Variants in DPEP1 observed in about 807,000 individuals in gnomAD.
DPEP1 encodes the protein beta-lactamase.
Under a neutral mutation model 42.3 loss-of-function variants are expected in DPEP1, and 50 were observed. That is an observed-to-expected ratio of 1.18 (90% CI 0.94 to 1.50). The LOEUF is 1.50. Ranked by LOEUF, DPEP1 falls within the 40% of genes most tolerant of loss-of-function variation. The pLI, the probability that DPEP1 is intolerant of heterozygous loss-of-function variation, is 0.00. For synonymous variants in DPEP1, 297 were observed against 234.0 expected (o/e 1.27, Z -2.46); for missense variants, 663 against 553.0 (o/e 1.20, Z -1.99).
Position 89,638,106 on chromosome 16 carries a change from G to A in DPEP1, c.1120G>A (p.Gly374Ser). 1 of 1,612,292 alleles carries A rather than the reference G, an allele frequency of 6.2e-7. No individual in the cohort carries two copies. Among genetic ancestry groups the A allele is most frequent in the Non-Finnish European group, 8.5e-7 (1 of 1,179,826 alleles). The change falls in exon 11 of 11, where the codon GGT becomes AGT. Residue 374 changes from glycine (G) to serine (S), a missense_variant. Transcript: ENST00000690203. ...GGAGCCCATCCCGCTGGACCAGCTGGGTGGCTCCTGCAGGACCCATTACGG... is the reference window on the plus strand; with the variant it reads ...GGAGCCCATCCCGCTGGACCAGCTGAGTGGCTCCTGCAGGACCCATTACGG... ...EEEPIPLDQL[G>S]GSCRTHYGYS...
rs762931185 is a variant in DPEP1, at chr16:89,636,587, G to A, written c.425G>A (p.Gly142Asp). Reference protein sequence around the residue: ...GKVASLIGVEGGHSIDSSLGV... With the variant: ...GKVASLIGVEDGHSIDSSLGV... Reference sequence around the variant, plus strand: ...GTGGCCAGCCTGATCGGCGTGGAGGGCGGCCACTCCATTGACAGCAGTTTG... The same window carrying A: ...GTGGCCAGCCTGATCGGCGTGGAGGACGGCCACTCCATTGACAGCAGTTTG... The change falls in exon 5 of 11, where the codon GGC becomes GAC. Residue 142 changes from glycine (G) to aspartate (D), a missense_variant. By Grantham distance (94) the Gly-to-Asp change is moderately conservative (BLOSUM62 -1). Coordinates refer to ENST00000690203, the MANE Select transcript of DPEP1 (RefSeq NM_001389466.1). The A allele has an allele frequency of 8.7e-6, 14 of 1,612,132 alleles. No individual in the cohort carries two copies. Among genetic ancestry groups the A allele is most frequent in the Non-Finnish European group, 1.1e-5 (13 of 1,179,834 alleles).
chr16:89,614,562 A>AGACG, intron 1 of DPEP1, among the ~76,000 whole-genome samples: 1 of 152,280 alleles, frequency 6.6e-6, no homozygotes, highest in East Asian at 1.9e-4. Context: ...TGGGAGGCCG[A>AGACG]GGTGGGCAGA....
At chr16:89,640,498 C>T (rs1191082160), downstream of DPEP1, 7 of 908,800 alleles carry the variant, frequency 7.7e-6, no homozygotes, top group African/African-American at 1.8e-5. Flanking sequence ...CATGGAGCAG[C>T]AGCCCCTGCA....
chr16:89,634,165 T>G (rs1299662038), intron 2 of DPEP1, among the ~76,000 whole-genome samples: 1 of 146,072 alleles, frequency 6.8e-6, no homozygotes, highest in East Asian at 2.1e-4. Context: ...CTCGGCTCAC[T>G]GCAAGCTCTG....
In DPEP1 at chr16:89,636,523, C is replaced by A; in HGVS notation, c.371-10C>A. ...GTGCCCACTCCCCTGCACCCTGACT[C>A]TCCCCGCAGGCATTCGGCAGGCCTT... On this transcript the variant is annotated splice_polypyrimidine_tract_variant and intron_variant, in intron 4 of 10. Transcript: ENST00000690203. 3 of 1,611,256 alleles carry A rather than the reference C, an allele frequency of 1.9e-6. No homozygotes were observed. Among genetic ancestry groups the A allele is most frequent in the Non-Finnish European group, 2.5e-6 (3 of 1,179,148 alleles).
intron 4 of DPEP1, 35 bp from the exon 5 acceptor site, chr16:89,636,498 G>A (rs771570741): frequency 1.0e-5 from 16 of 1,603,818 alleles, no homozygotes; most frequent in Non-Finnish European, 1.3e-5. Context: ...CAGATACCAG[G>A]TGCCCACTCC....
Position 89,637,535 on chromosome 16 carries a change from A to T in DPEP1, c.836A>T (p.Asn279Ile). The part of the protein sequence containing the change: ...NNYISCTNKA[N>I]LSQVADHLDH... Reference sequence around the variant, plus strand: ...TACATTTCCTGCACCAACAAGGCCAACCTGTCCCAAGTGGCCGGTAGGTGG... The same window carrying T: ...TACATTTCCTGCACCAACAAGGCCATCCTGTCCCAAGTGGCCGGTAGGTGG... The change falls in exon 8 of 11, where the codon AAC (asparagine) becomes ATC (isoleucine). Residue 279 changes from asparagine to isoleucine, a missense_variant. Coordinates refer to ENST00000690203, the MANE Select transcript of DPEP1 (RefSeq NM_001389466.1). The T allele has an allele frequency of 6.2e-7, 1 of 1,612,694 alleles. No individual in the cohort carries two copies. Among genetic ancestry groups the T allele is most frequent in the Non-Finnish European group, 8.5e-7 (1 of 1,179,924 alleles).
At chr16:89,639,115 ATT>A (rs1478402475), downstream of DPEP1, among the ~76,000 whole-genome samples, 6 of 39,724 alleles carry the variant, frequency 1.5e-4, no homozygotes, top group Non-Finnish European at 1.8e-4. Flanking sequence ...ACCCCTGCAC[ATT>A]CACATCCCAC....
At chr16:89,636,506 T>A in intron 4 of DPEP1, 27 bp from the exon 5 acceptor site, 1 of 1,605,986 alleles carries the variant, frequency 6.2e-7, no homozygotes, top group Non-Finnish European at 8.5e-7. Flanking sequence ...AGGTGCCCAC[T>A]CCCCTGCACC....
downstream of DPEP1, among the ~76,000 whole-genome samples, chr16:89,639,528 C>T (rs1249693439): frequency 7.9e-6 from 1 of 126,376 alleles, no homozygotes; most frequent in African/African-American, 3.3e-5. Context: ...TGCACACACA[C>T]CCCCACCTCT....
chr16:89,629,923 G>C (rs2059562624), intron 1 of DPEP1, among the ~76,000 whole-genome samples: 1 of 152,224 alleles, frequency 6.6e-6, no homozygotes, highest in East Asian at 1.9e-4. Context: ...TTTTTACGTG[G>C]AAAGGGGTGC....
chr16:89,638,667 G>GCA (rs568006035), downstream of DPEP1, among the ~76,000 whole-genome samples: 158 of 132,106 alleles, frequency 1.2e-3, no homozygotes, highest in African/African-American at 3.9e-3. Context: ...CCCCACCCCT[G>GCA]CACACACACA....
At chr16:89,613,636 A>AGGGCC (rs1428909346), upstream of DPEP1, 1 of 152,472 alleles carries the variant, frequency 6.6e-6, no homozygotes, top group African/African-American at 2.4e-5. Context: ...GTGGCCGGGT[A>AGGGCC]GGGCCAGCCC....
chr16:89,620,945 T>C (rs918388661), intron 1 of DPEP1, among the ~76,000 whole-genome samples: 3 of 151,996 alleles, frequency 2.0e-5, no homozygotes, highest in African/African-American at 7.3e-5. Flanking sequence ...ATCTACAGCA[T>C]AGCATGGAGC....
chr16:89,633,920 A>G (rs534874213), intron 2 of DPEP1, among the ~76,000 whole-genome samples: 5 of 152,030 alleles, frequency 3.3e-5, no homozygotes, highest in Non-Finnish European at 7.4e-5. Flanking sequence ...GAGGCCCCAG[A>G]CCCAGTGACG....
intron 1 of DPEP1, among the ~76,000 whole-genome samples, chr16:89,628,398 C>T (rs549660921): frequency 2.3e-3 from 345 of 151,438 alleles, no homozygotes; most frequent in African/African-American, 8.2e-3. Context: ...GCTGGGATTA[C>T]AGGCATGCAC....
chr16:89,616,719 C>T (rs973159002), intron 1 of DPEP1, among the ~76,000 whole-genome samples: 20 of 151,966 alleles, frequency 1.3e-4, no homozygotes, highest in Admixed American at 7.2e-4. Flanking sequence ...GCAGTGCAAA[C>T]GCACGCTGGC....
intron 1 of DPEP1, among the ~76,000 whole-genome samples, chr16:89,614,119 C>A (rs1344642759): frequency 6.6e-6 from 1 of 150,830 alleles, no homozygotes; most frequent in Admixed American, 6.6e-5. Flanking sequence ...GCAGGGGACG[C>A]GGCGGCTTCC....
Position 89,636,516 on chromosome 16 carries a change from C to G in DPEP1, c.371-17C>G. ...ATACCAGGTGCCCACTCCCCTGCAC[C>G]CTGACTCTCCCCGCAGGCATTCGGC... is the stretch of plus-strand genomic sequence containing the variant. On this transcript the variant is annotated splice_polypyrimidine_tract_variant and intron_variant, in intron 4 of 10. Coordinates refer to ENST00000690203, the MANE Select transcript of DPEP1 (RefSeq NM_001389466.1). 3 of 1,610,668 alleles carry G rather than the reference C, an allele frequency of 1.9e-6. No homozygotes were observed. Among genetic ancestry groups the G allele is most frequent in the Non-Finnish European group, 1.7e-6 (2 of 1,178,838 alleles).
Sources: gnomAD v4.1 joint callset for allele counts (sites outside exome capture counted in the v4.1 genomes callset) on GRCh38, gnomAD v4.1.1 for gene constraint, MANE v1.5 for transcripts, NCBI Gene and HGNC (gene_info 2026-07-23, HGNC 2026-07-21) for gene names.